The following TSHZ2 variants were observed in gnomAD, a reference collection of about 807,000 sequenced individuals.
TSHZ2 encodes the protein teashirt homolog 2.
TSHZ2 carries 21 observed loss-of-function variants against 74.4 expected under a neutral mutation model. That is an observed-to-expected ratio of 0.28 (90% CI 0.20 to 0.41). The LOEUF is 0.41. Ranked by LOEUF, TSHZ2 falls within the 10% of genes least tolerant of loss-of-function variation. TSHZ2 has a pLI of 1.00. For missense variants in TSHZ2, 1,244 were observed against 1,293.5 expected, an observed-to-expected ratio of 0.96 and a Z score of 0.59; for synonymous variants, 540 against 515.3, an observed-to-expected ratio of 1.05 and a Z score of -0.65.
At chr20:53,103,363 TGATG>T (rs1418544173) in intron 1 of TSHZ2, among the ~76,000 whole-genome samples, 2 of 152,218 alleles carry the variant, frequency 1.3e-5, no homozygotes, top group East Asian at 3.8e-4. Flanking sequence ...AAACAACCTC[TGATG>T]GTATGTTTAA....
chr20:53,235,944 T>C (rs556817206), intron 1 of TSHZ2, among the ~76,000 whole-genome samples: 6 of 152,348 alleles, frequency 3.9e-5, no homozygotes, highest in Admixed American at 1.3e-4. Flanking sequence ...GATATGAATA[T>C]AATGAGAACG....
intron 2 of TSHZ2, among the ~76,000 whole-genome samples, chr20:53,346,588 C>T (rs1449711602): frequency 6.6e-6 from 1 of 152,210 alleles, no homozygotes; most frequent in Non-Finnish European, 1.5e-5. Context: ...AGCTTAGGCT[C>T]CTCCTGTTGA....
At chr20:53,083,139 T>C (rs1985587341) in intron 1 of TSHZ2, among the ~76,000 whole-genome samples, 1 of 152,216 alleles carries the variant, frequency 6.6e-6, no homozygotes, top group Non-Finnish European at 1.5e-5. Context: ...AATTTTGATG[T>C]AGGTATACAG....
At chr20:52,975,758 G>A (rs1981311782) in intron 1 of TSHZ2, among the ~76,000 whole-genome samples, 1 of 152,186 alleles carries the variant, frequency 6.6e-6, no homozygotes, top group South Asian at 2.1e-4. Context: ...TGTTTCTTCT[G>A]TTCATCTAAG....
chr20:53,032,432 C>T (rs1402454238), intron 1 of TSHZ2, among the ~76,000 whole-genome samples: 1 of 152,170 alleles, frequency 6.6e-6, no homozygotes, highest in African/African-American at 2.4e-5. Flanking sequence ...TCCGCAGGAC[C>T]CGTCTGGTGG....
intron 2 of TSHZ2, among the ~76,000 whole-genome samples, chr20:53,419,827 T>C (rs1983403386): frequency 6.6e-6 from 1 of 152,234 alleles, no homozygotes; most frequent in Non-Finnish European, 1.5e-5. Context: ...CAGCTCATTC[T>C]GTTAAGGGAC....
chr20:53,275,389 A>T (rs1317496827), intron 2 of TSHZ2, among the ~76,000 whole-genome samples: 1 of 151,978 alleles, frequency 6.6e-6, no homozygotes, highest in Non-Finnish European at 1.5e-5. Context: ...TGAAATGGGG[A>T]ATTATAACTG....
chr20:53,347,053 G>C (rs1451323544), intron 2 of TSHZ2, among the ~76,000 whole-genome samples: 2 of 152,176 alleles, frequency 1.3e-5, no homozygotes, highest in South Asian at 4.1e-4. Context: ...TAGCTGAATG[G>C]GCTCCTGGGA....
chr20:53,244,169 T>C (rs1280265273), intron 1 of TSHZ2, among the ~76,000 whole-genome samples: 1 of 152,118 alleles, frequency 6.6e-6, no homozygotes, highest in Non-Finnish European at 1.5e-5. Flanking sequence ...ATATACTTTC[T>C]GAAGGTCATT....
chr20:53,285,994 A>T (rs1011018057), intron 2 of TSHZ2, among the ~76,000 whole-genome samples: 17 of 151,518 alleles, frequency 1.1e-4, no homozygotes, highest in Non-Finnish European at 2.2e-4. Flanking sequence ...GTTTTTTTTT[A>T]AATTGCTACA....
intron 2 of TSHZ2, among the ~76,000 whole-genome samples, chr20:53,385,877 A>T (rs1439229173): frequency 2.0e-5 from 3 of 152,228 alleles, no homozygotes; most frequent in Admixed American, 6.5e-5. Context: ...GCAAAGCAGG[A>T]GAGTGGCCCA....
chr20:53,442,186 G>T (rs576635219), intron 2 of TSHZ2, among the ~76,000 whole-genome samples: 4 of 152,288 alleles, frequency 2.6e-5, no homozygotes, highest in Non-Finnish European at 5.9e-5. Flanking sequence ...ATGAGTGTGT[G>T]TACGTGTGTG....
At chr20:53,192,903 T>G (rs1988772636) in intron 1 of TSHZ2, among the ~76,000 whole-genome samples, 1 of 152,130 alleles carries the variant, frequency 6.6e-6, no homozygotes, top group Non-Finnish European at 1.5e-5. Context: ...ATTCCTCAGG[T>G]TGAGATAGGA....
intron 2 of TSHZ2, among the ~76,000 whole-genome samples, chr20:53,317,470 T>C (rs1044343681): frequency 6.6e-6 from 1 of 152,150 alleles, no homozygotes; most frequent in African/African-American, 2.4e-5. Flanking sequence ...ATACTTAAAA[T>C]AAAGACGTTA....
intron 1 of TSHZ2, among the ~76,000 whole-genome samples, chr20:53,059,371 A>G (rs1984747167): frequency 1.3e-5 from 2 of 152,208 alleles, no homozygotes; most frequent in African/African-American, 2.4e-5. Context: ...ATTTAGTTCT[A>G]TTGCAACATG....
At chr20:53,241,966 T>C (rs1409008971) in intron 1 of TSHZ2, among the ~76,000 whole-genome samples, 4 of 152,062 alleles carry the variant, frequency 2.6e-5, no homozygotes, top group African/African-American at 9.7e-5. Flanking sequence ...TAATTGCTGT[T>C]TTTGCCATTA....
chr20:53,354,485 G>A (rs1980771225), intron 2 of TSHZ2, among the ~76,000 whole-genome samples: 1 of 152,226 alleles, frequency 6.6e-6, no homozygotes, highest in African/African-American at 2.4e-5. Context: ...AGCACAAGAA[G>A]ATGACTCAAA....
chr20:53,325,511 C>T (rs898456078), intron 2 of TSHZ2, among the ~76,000 whole-genome samples: 7 of 152,170 alleles, frequency 4.6e-5, no homozygotes, highest in Admixed American at 1.3e-4. Context: ...CAGTTCAGCT[C>T]AGGGAGAGTC....
intron 2 of TSHZ2, among the ~76,000 whole-genome samples, chr20:53,482,469 A>T (rs1986180100): frequency 6.6e-6 from 1 of 152,236 alleles, no homozygotes. Context: ...TAACAAAATC[A>T]GGACTGAGGT....
Sources: allele counts gnomAD v4.1 joint callset (sites outside exome capture counted in the v4.1 genomes callset), GRCh38; gene constraint gnomAD v4.1.1; transcripts MANE v1.5; gene names NCBI Gene and HGNC (gene_info 2026-07-23, HGNC 2026-07-21).